RAPGEF1: variants seen among roughly 807,000 people sequenced by gnomAD.
The protein encoded by RAPGEF1 is CRK SH3-binding GNRP.
In RAPGEF1, 33 loss-of-function variants were observed where a neutral mutation model predicts 143.3. The observed-to-expected ratio is 0.23, with a 90% CI of 0.17 to 0.31. The LOEUF is 0.31. RAPGEF1 is among the 10% of genes least tolerant of loss of function. The pLI is 1.00. For missense variants in RAPGEF1, 1,199 were observed against 1,645.4 expected, an observed-to-expected ratio of 0.73 and a Z score of 4.69; for synonymous variants, 629 against 676.5, an observed-to-expected ratio of 0.93 and a Z score of 1.09.
intron 4 of RAPGEF1, among the ~76,000 whole-genome samples, chr9:131,640,047 T>C (rs1429609984): frequency 1.3e-5 from 2 of 152,232 alleles, no homozygotes; most frequent in African/African-American, 4.8e-5. Context: ...AAAGGAGCCC[T>C]GAGAAAGCCA....
chr9:131,722,565 A>G (rs1356078425), intron 1 of RAPGEF1, among the ~76,000 whole-genome samples: 1 of 152,198 alleles, frequency 6.6e-6, no homozygotes, highest in East Asian at 1.9e-4. Context: ...GCTCAACTAG[A>G]CATTTAGGCT....
chr9:131,715,302 C>T (rs1306959586), intron 1 of RAPGEF1, among the ~76,000 whole-genome samples: 1 of 152,038 alleles, frequency 6.6e-6, no homozygotes, highest in Non-Finnish European at 1.5e-5. Context: ...AGCAGGGCGA[C>T]CTAATCTAAG....
chr9:131,720,231 C>T (rs1479681184), intron 1 of RAPGEF1, among the ~76,000 whole-genome samples: 1 of 152,208 alleles, frequency 6.6e-6, no homozygotes, highest in African/African-American at 2.4e-5. Flanking sequence ...ACTGTCACCT[C>T]CTTCCAGTGC....
intron 1 of RAPGEF1, among the ~76,000 whole-genome samples, chr9:131,666,742 T>C (rs537984939): frequency 6.6e-6 from 1 of 152,346 alleles, no homozygotes; most frequent in African/African-American, 2.4e-5. Flanking sequence ...ACATGTAATA[T>C]AAAAACGATT....
chr9:131,581,110 GGTAACAAGAAC>G (rs895372226), intron 25 of RAPGEF1, among the ~76,000 whole-genome samples: 1 of 151,738 alleles, frequency 6.6e-6, no homozygotes, highest in Non-Finnish European at 1.5e-5. Flanking sequence ...CCACTGCCTG[GGTAACAAGAAC>G]GTAACAAGAA....
intron 1 of RAPGEF1, among the ~76,000 whole-genome samples, chr9:131,728,177 G>C (rs998487592): frequency 1.3e-5 from 2 of 152,170 alleles, no homozygotes; most frequent in Non-Finnish European, 2.9e-5. Flanking sequence ...TCTTTACTGT[G>C]AAAGTTAATC....
intron 1 of RAPGEF1, among the ~76,000 whole-genome samples, chr9:131,725,826 T>G (rs1239255302): frequency 6.7e-6 from 1 of 149,534 alleles, no homozygotes; most frequent in Non-Finnish European, 1.5e-5. Flanking sequence ...TGGCGTGATC[T>G]CGGCTCACTG....
intron 1 of RAPGEF1, among the ~76,000 whole-genome samples, chr9:131,652,347 C>A (rs951097816): frequency 6.6e-6 from 1 of 152,094 alleles, no homozygotes; most frequent in African/African-American, 2.4e-5. Flanking sequence ...AATTCCTGGG[C>A]TCAGACATCT....
chr9:131,620,704 A>G lies in RAPGEF1; in HGVS notation c.1905+1092T>C, dbSNP rs1960650269. ...TGTGGTTTTTGAGTGGAAACAAAAC[A>G]GCTTGCTTGGTTAGCCACAGCCCAC... On this transcript the variant is annotated intron_variant, in intron 11 of 26. Transcript: ENST00000683357. 2.0e-5 allele frequency among the ~76,000 whole-genome samples: 3 copies of G among 152,260 alleles called. No homozygotes were observed. In the South Asian group the frequency reaches 6.2e-4, roughly 32 times the overall value.
chr9:131,584,233 C>T lies in RAPGEF1; in HGVS notation c.3414+78G>A. ...GCATTTGCTCCAGTGGGAGCACTTT[C>T]TGCCACAGCTAGTCGCCTGAGGGCT... On this transcript the variant is annotated intron_variant, in intron 24 of 26. Coordinates refer to ENST00000683357, the MANE Select transcript of RAPGEF1 (RefSeq NM_001377935.1). This position sits in a 1 kb window ranked among gnomAD's most constrained non-coding sequence, Gnocchi z 6.8. The T allele has an allele frequency of 7.4e-7, 1 of 1,352,790 alleles. No individual in the cohort carries two copies. The highest frequency in any genetic ancestry group is 1.0e-6 in the Non-Finnish European group (1 of 970,302). The allele number at this position is 1,352,790 out of a possible 1,614,324, so 83.8% of individuals were successfully genotyped here.
At chr9:131,597,494 T>C (rs532740683) in intron 16 of RAPGEF1, among the ~76,000 whole-genome samples, 13 of 152,306 alleles carry the variant, frequency 8.5e-5, no homozygotes, top group Admixed American at 8.5e-4. Context: ...CTTTTGTCCA[T>C]GTGTCATCAA....
At chr9:131,663,089 G>A (rs1415413521) in intron 1 of RAPGEF1, among the ~76,000 whole-genome samples, 1 of 151,042 alleles carries the variant, frequency 6.6e-6, no homozygotes, top group African/African-American at 2.4e-5. Context: ...TGCCATGCCC[G>A]CTTTCCAAAG....
intron 1 of RAPGEF1, among the ~76,000 whole-genome samples, chr9:131,707,908 G>A (rs1835198115): frequency 6.6e-6 from 1 of 152,096 alleles, no homozygotes; most frequent in African/African-American, 2.4e-5. Context: ...ATAATCACAT[G>A]AGCAACAGTT....
chr9:131,668,816 A>T (rs1209276490), intron 1 of RAPGEF1, among the ~76,000 whole-genome samples: 1 of 152,222 alleles, frequency 6.6e-6, no homozygotes, highest in Non-Finnish European at 1.5e-5. Flanking sequence ...TTCTGAGTAA[A>T]CCACAGAGCA....
intron 1 of RAPGEF1, among the ~76,000 whole-genome samples, chr9:131,696,282 T>C (rs781055917): frequency 6.6e-6 from 1 of 152,188 alleles, no homozygotes; most frequent in South Asian, 2.1e-4. Context: ...CGGACCATCC[T>C]GGAGAAGACA....
chr9:131,731,595 AGT>A (rs377508488), intron 1 of RAPGEF1, among the ~76,000 whole-genome samples: 29 of 152,258 alleles, frequency 1.9e-4, no homozygotes, highest in Middle Eastern at 3.4e-3. Context: ...TTAACAATAC[AGT>A]GTGTGGCTGG....
chr9:131,662,985 G>GA (rs200900465), intron 1 of RAPGEF1, among the ~76,000 whole-genome samples: 5,415 of 148,668 alleles, frequency 0.036, 206 homozygotes, highest in East Asian at 0.09. Flanking sequence ...TTGTATTCTG[G>GA]AAAAAAAAAA....
In RAPGEF1 at chr9:131,619,111, G is replaced by A. The variant is rs1202300103; in HGVS notation, c.2001C>T (p.Gly667=). 3 of 1,349,458 alleles carry A rather than the reference G, an allele frequency of 2.2e-6. No individual in the cohort carries two copies. The highest frequency in any genetic ancestry group is 3.0e-6 in the Non-Finnish European group (3 of 1,014,384). 83.6% of individuals were successfully genotyped at this position (1,349,458 alleles called of 1,614,324 possible). Residue 667 remains glycine (G), a synonymous_variant, in exon 12 of 27, where the codon GGC becomes GGT. Transcript: ENST00000683357. ...AGGAGTTAGAGACGGACACACTGAG[G>A]CCCTGAGCGGCACTGCCGTCCTCGG... ...FTPEDGSAAQ[G]LSVSVSNSFL...
At chr9:131,643,559 T>C in intron 3 of RAPGEF1, 142 bp from the exon 4 acceptor site, 1 of 823,048 alleles carries the variant, frequency 1.2e-6, no homozygotes, top group Non-Finnish European at 1.8e-6. Flanking sequence ...GCCAGATCAT[T>C]TTTCTAAGGA....
Sources: gnomAD v4.1 joint callset for allele counts (sites outside exome capture counted in the v4.1 genomes callset) on GRCh38, gnomAD v4.1.1 for gene constraint, Gnocchi (gnomAD v3.1) non-coding constraint, MANE v1.5 for transcripts, NCBI Gene and HGNC (gene_info 2026-07-23, HGNC 2026-07-21) for gene names.